NXPE2: variants seen among roughly 807,000 people sequenced by gnomAD.
NXPE2 encodes the protein neurexophilin and PC-esterase domain family member 2.
Under a neutral mutation model 34.4 loss-of-function variants are expected in NXPE2, and 34 were observed. The ratio of observed to expected loss-of-function variants is 0.99; its 90% CI spans 0.75 to 1.31. NXPE2 has a LOEUF of 1.31. NXPE2 is among the 40% of genes most tolerant of loss of function. NXPE2 has a pLI of 0.00. For missense variants in NXPE2, 649 were observed against 672.5 expected (o/e 0.97, Z 0.39); for synonymous variants, 235 against 231.3 (o/e 1.02, Z -0.15).
chr11:114,692,703 T>G (rs1420929387), intron 2 of NXPE2, among the ~76,000 whole-genome samples: 1 of 152,244 alleles, frequency 6.6e-6, no homozygotes, highest in Non-Finnish European at 1.5e-5. Context: ...AATACTCTCC[T>G]TACTTACTTC....
the NXPE2 span, among the ~76,000 whole-genome samples, chr11:114,631,246 CA>C: frequency 6.6e-6 from 1 of 151,776 alleles, no homozygotes; most frequent in Admixed American, 6.6e-5. Context: ...CGGCATTATT[CA>C]CAATAGCAAA....
At chr11:114,651,716 A>T in the NXPE2 span, among the ~76,000 whole-genome samples, 1 of 152,086 alleles carries the variant, frequency 6.6e-6, no homozygotes, top group Non-Finnish European at 1.5e-5. Context: ...TGTGTTTGCA[A>T]ACCTTTAGTT....
At chr11:114,515,766 T>A in the NXPE2 span, among the ~76,000 whole-genome samples, 1 of 102,210 alleles carries the variant, frequency 9.8e-6, no homozygotes, top group Non-Finnish European at 1.9e-5. Flanking sequence ...GGGCAGTCTT[T>A]CTGAAGTAGA....
the NXPE2 span, among the ~76,000 whole-genome samples, chr11:114,577,008 GTT>G: frequency 9.6e-5 from 1 of 10,442 alleles, no homozygotes; most frequent in Admixed American, 1.5e-3. Context: ...TATATATAAA[GTT>G]ATATATATAT....
At chr11:114,610,428 C>T in the NXPE2 span, among the ~76,000 whole-genome samples, 136 of 150,328 alleles carry the variant, frequency 9.0e-4, no homozygotes, top group Middle Eastern at 7.0e-3. Flanking sequence ...TATTGCCTCT[C>T]GGGTAACCAC....
the NXPE2 span, among the ~76,000 whole-genome samples, chr11:114,777,132 C>T: frequency 6.6e-6 from 1 of 152,142 alleles, no homozygotes; most frequent in Admixed American, 6.5e-5. Flanking sequence ...TCGCAGCAAC[C>T]ACAGAAAACA....
chr11:114,791,694 C>A, the NXPE2 span, among the ~76,000 whole-genome samples: 1 of 152,174 alleles, frequency 6.6e-6, no homozygotes, highest in African/African-American at 2.4e-5. Context: ...GATGAGTTGC[C>A]ACCAAGGGTG....
chr11:114,602,365 T>A, the NXPE2 span, among the ~76,000 whole-genome samples: 3 of 127,552 alleles, frequency 2.4e-5, no homozygotes, highest in Non-Finnish European at 4.7e-5. Flanking sequence ...ATATAATATG[T>A]TATATACAAT....
At chr11:114,713,594 A>G in the NXPE2 span, among the ~76,000 whole-genome samples, 1 of 144,108 alleles carries the variant, frequency 6.9e-6, no homozygotes, top group Non-Finnish European at 1.5e-5. Flanking sequence ...ATTTGATTGA[A>G]AAAAAGTCAG....
At chr11:114,632,013 T>C in the NXPE2 span, among the ~76,000 whole-genome samples, 164 of 147,642 alleles carry the variant, frequency 1.1e-3, no homozygotes, top group African/African-American at 3.8e-3. Flanking sequence ...TATTACCTAA[T>C]AGATAATAAT....
the NXPE2 span, among the ~76,000 whole-genome samples, chr11:114,783,065 A>G: frequency 6.7e-6 from 1 of 148,352 alleles, no homozygotes; most frequent in Non-Finnish European, 1.5e-5. Context: ...TATGAGAAGT[A>G]TTATTTACTC....
At chr11:114,474,514 C>G in the NXPE2 span, among the ~76,000 whole-genome samples, 1 of 152,100 alleles carries the variant, frequency 6.6e-6, no homozygotes, top group South Asian at 2.1e-4. Flanking sequence ...ATGCTATTGT[C>G]AAGTGTATCA....
the NXPE2 span, among the ~76,000 whole-genome samples, chr11:114,742,780 T>C: frequency 3.3e-3 from 509 of 152,260 alleles, 3 homozygotes; most frequent in African/African-American, 0.012. Context: ...CTAATGTCAC[T>C]CTGCAGTGAA....
chr11:114,727,456 G>A, the NXPE2 span, among the ~76,000 whole-genome samples: 2 of 151,998 alleles, frequency 1.3e-5, no homozygotes, highest in Admixed American at 6.6e-5. Flanking sequence ...TGCGGATTAG[G>A]ACTTCAAGAA....
chr11:114,632,860 TAATATATA>T, the NXPE2 span, among the ~76,000 whole-genome samples: 1 of 72,032 alleles, frequency 1.4e-5, no homozygotes, highest in African/African-American at 7.1e-5. Context: ...TATAATTATA[TAATATATA>T]ATTATATAAT....
At chr11:114,804,620 G>A in the NXPE2 span, among the ~76,000 whole-genome samples, 1 of 152,314 alleles carries the variant, frequency 6.6e-6, no homozygotes, top group South Asian at 2.1e-4. Flanking sequence ...CCCTTAAAAT[G>A]ATTGGTCTTA....
the NXPE2 span, among the ~76,000 whole-genome samples, chr11:114,743,698 C>T: frequency 6.6e-6 from 1 of 151,824 alleles, no homozygotes; most frequent in East Asian, 1.9e-4. Flanking sequence ...GATTCCAGTC[C>T]TTTGCCGCCT....
At chr11:114,610,224 G>A in the NXPE2 span, among the ~76,000 whole-genome samples, 1 of 151,802 alleles carries the variant, frequency 6.6e-6, no homozygotes, top group African/African-American at 2.4e-5. Flanking sequence ...TCAATAATAA[G>A]TGTTGCCTCG....
chr11:114,571,429 GGT>G, the NXPE2 span: 1 of 1,610,740 alleles, frequency 6.2e-7, no homozygotes, highest in South Asian at 1.1e-5. Context: ...ACAGCAAGCT[GGT>G]GTTGCAATTT....
Sources: allele counts gnomAD v4.1 joint callset (sites outside exome capture counted in the v4.1 genomes callset), GRCh38; gene constraint gnomAD v4.1.1; transcripts MANE v1.5; gene names NCBI Gene and HGNC (gene_info 2026-07-23, HGNC 2026-07-21).